PKP4: variants seen among roughly 807,000 people sequenced by gnomAD.
PKP4 encodes the protein plakophilin 4, also known as plakophilin-4.
In PKP4, 90 loss-of-function variants were observed where a neutral mutation model predicts 145.1. That is an observed-to-expected ratio of 0.62 (90% CI 0.52 to 0.74). PKP4 has a LOEUF of 0.74. Among genes scored for constraint, PKP4 ranks in the 30% least tolerant of loss-of-function variants. The pLI, the probability that PKP4 is intolerant of heterozygous loss-of-function variation, is 0.00. For synonymous variants in PKP4, 563 were observed against 577.2 expected (o/e 0.98, Z 0.35); for missense variants, 1,340 against 1,482.7 (o/e 0.90, Z 1.58).
intron 2 of PKP4, among the ~76,000 whole-genome samples, chr2:158,569,902 C>G (rs570040985): frequency 2.3e-3 from 348 of 152,266 alleles, no homozygotes; most frequent in Admixed American, 3.9e-3. Context: ...ACCCGGAACC[C>G]TTCCTTTAAG....
At position 158,534,028 on chromosome 2, in the gene PKP4, GCTT is replaced by G. The variant is rs372820959; in HGVS notation, c.132+718_132+720del. The stretch of plus-strand genomic sequence containing the variant: ...ATGGTTTTTTTGTTTTTTTTTCCCT[GCTT>G]CTTCTCTCCAAAACAACATTATGTG... On this transcript the variant is annotated intron_variant, in intron 2 of 21. Coordinates refer to ENST00000389759, the MANE Select transcript of PKP4 (RefSeq NM_003628.6). Among the ~76,000 whole-genome samples, 225 of 150,940 alleles carry G rather than the reference GCTT, an allele frequency of 1.5e-3. 1 individual carries two copies. The highest frequency in any genetic ancestry group is 5.0e-3 in the African/African-American group (206 of 41,144).
Position 158,608,808 on chromosome 2 carries a change from CTTTTT to C in PKP4, c.280+5723_280+5727del, listed in dbSNP as rs66933766. ...AGTAAAATCTTATTTTCTTTTCTTT[CTTTTT>C]TTTTTTTTTTTTTTTTTTGAGACGG... On this transcript the variant is annotated intron_variant, in intron 4 of 21. Coordinates refer to ENST00000389759, the MANE Select transcript of PKP4 (RefSeq NM_003628.6). Among the ~76,000 whole-genome samples the C allele has an allele frequency of 8.6e-3, 744 of 86,140 alleles. 4 individuals carry two copies. Among genetic ancestry groups the C allele is most frequent in the Middle Eastern group, 0.037 (3 of 82 alleles). The allele number at this position is 86,140 out of a possible 152,430, so 56.5% of individuals were successfully genotyped here. A position where few individuals can be genotyped will look rare whatever the true frequency, so the allele number is the denominator to read the frequency against.
At chr2:158,498,434 T>G (rs1696069048) in intron 1 of PKP4, among the ~76,000 whole-genome samples, 1 of 152,254 alleles carries the variant, frequency 6.6e-6, no homozygotes, top group Non-Finnish European at 1.5e-5. Context: ...TTCAGATTTT[T>G]TGTTGTGAGA....
intron 2 of PKP4, among the ~76,000 whole-genome samples, chr2:158,541,877 A>G (rs2044554296): frequency 6.6e-6 from 1 of 152,172 alleles, no homozygotes; most frequent in Admixed American, 6.6e-5. Flanking sequence ...CTAAGAGCCT[A>G]AACCAAGATT....
chr2:158,458,244 C>G (rs1689172386), intron 1 of PKP4: 1 of 153,018 alleles, frequency 6.5e-6, no homozygotes, highest in Non-Finnish European at 1.5e-5. Context: ...CGCGGCTGCC[C>G]TAGCGCCTTC....
intron 1 of PKP4, among the ~76,000 whole-genome samples, chr2:158,478,980 C>T (rs1040363966): frequency 7.2e-5 from 11 of 152,216 alleles, no homozygotes; most frequent in Admixed American, 3.3e-4. Flanking sequence ...ACATTTTCCC[C>T]AGTATTGGAA....
At position 158,669,934 on chromosome 2, in the gene PKP4, G is replaced by A; in HGVS notation, c.2924+19G>A. On this transcript the variant is annotated intron_variant, in intron 17 of 21. Coordinates refer to ENST00000389759, the MANE Select transcript of PKP4 (RefSeq NM_003628.6). ...GCGACAGGCAAGTCTGCGGCAAGGAGGTGCAAGCAGTGCTCTTATTCCTGA... is the reference window on the plus strand; with the variant it reads ...GCGACAGGCAAGTCTGCGGCAAGGAAGTGCAAGCAGTGCTCTTATTCCTGA... 2.5e-6 allele frequency: 4 copies of A among 1,587,962 alleles called. No homozygotes were observed. The highest frequency in any genetic ancestry group is 3.4e-6 in the Non-Finnish European group (4 of 1,162,796).
intron 1 of PKP4, among the ~76,000 whole-genome samples, chr2:158,461,406 CATT>C (rs1185063117): frequency 1.2e-4 from 18 of 152,072 alleles, no homozygotes; most frequent in Admixed American, 5.2e-4. Flanking sequence ...GTCTTGATAA[CATT>C]ATAGTTTATT....
intron 1 of PKP4, among the ~76,000 whole-genome samples, chr2:158,467,538 T>A (rs1373252833): frequency 6.4e-5 from 6 of 94,002 alleles, no homozygotes; most frequent in East Asian, 6.0e-4. Context: ...GGTGAGAGAG[T>A]GAGACCTTGT....
intron 3 of PKP4, among the ~76,000 whole-genome samples, chr2:158,599,773 G>A (rs2050071503): frequency 6.6e-6 from 1 of 152,174 alleles, no homozygotes; most frequent in Non-Finnish European, 1.5e-5. Flanking sequence ...AAGGAGCAGT[G>A]CCTACTGCCA....
At chr2:158,519,258 T>A (rs991390854) in intron 1 of PKP4, among the ~76,000 whole-genome samples, 1 of 152,172 alleles carries the variant, frequency 6.6e-6, no homozygotes, top group Non-Finnish European at 1.5e-5. Flanking sequence ...TTCTTTTTTA[T>A]CCTGTAGCTT....
At chr2:158,502,414 T>G (rs956530326) in intron 1 of PKP4, among the ~76,000 whole-genome samples, 1 of 152,172 alleles carries the variant, frequency 6.6e-6, no homozygotes, top group Non-Finnish European at 1.5e-5. Flanking sequence ...CATTCCCAAA[T>G]TAGTGCCCTG....
chr2:158,492,169 C>T (rs1002635521), intron 1 of PKP4, among the ~76,000 whole-genome samples: 8 of 151,612 alleles, frequency 5.3e-5, no homozygotes, highest in Non-Finnish European at 7.4e-5. Context: ...CTGGAGTCTA[C>T]GTTGTGTCAC....
chr2:158,641,184 A>G (rs1259018971), intron 10 of PKP4, among the ~76,000 whole-genome samples: 1 of 152,152 alleles, frequency 6.6e-6, no homozygotes, highest in African/African-American at 2.4e-5. Context: ...TAAAAACACA[A>G]AAATTAGCTG....
intron 11 of PKP4, among the ~76,000 whole-genome samples, chr2:158,644,175 A>G (rs933318022): frequency 6.6e-6 from 1 of 152,214 alleles, no homozygotes; most frequent in Non-Finnish European, 1.5e-5. Flanking sequence ...AGCAGGCAGC[A>G]GGGTAGAGGA....
chr2:158,626,658 TACACTGC>T (rs1486762081), intron 7 of PKP4, among the ~76,000 whole-genome samples: 1 of 152,212 alleles, frequency 6.6e-6, no homozygotes, highest in African/African-American at 2.4e-5. Context: ...ATACCTTGTC[TACACTGC>T]ACTAGTGCTG....
intron 20 of PKP4, 50 bp downstream of exon 20, chr2:158,676,917 C>G (rs948368517): frequency 1.2e-6 from 2 of 1,612,200 alleles, no homozygotes; most frequent in Admixed American, 1.7e-5. Flanking sequence ...AGCCGCATTT[C>G]CAGGCGCTTG....
In PKP4 at chr2:158,611,556, T is replaced by A. The variant is rs571762061; in HGVS notation, c.280+8452T>A. ...TTTCCTCCATCTGGTGCAAGTAATT[T>A]ACAACACAAAAATTCATCAGCACAT... On this transcript the variant is annotated intron_variant, in intron 4 of 21. Coordinates refer to ENST00000389759, the MANE Select transcript of PKP4 (RefSeq NM_003628.6). Among the ~76,000 whole-genome samples, 21 of 152,326 alleles carry A rather than the reference T, an allele frequency of 1.4e-4. No homozygotes were observed. In the South Asian group the frequency reaches 4.4e-3, roughly 32 times the overall value.
intron 1 of PKP4, among the ~76,000 whole-genome samples, chr2:158,508,692 A>G (rs1276341328): frequency 6.6e-6 from 1 of 152,194 alleles, no homozygotes; most frequent in Non-Finnish European, 1.5e-5. Context: ...GATACCTCTG[A>G]TGTTCAAAAT....
Sources: gnomAD v4.1 joint callset for allele counts (sites outside exome capture counted in the v4.1 genomes callset) on GRCh38, gnomAD v4.1.1 for gene constraint, MANE v1.5 for transcripts, NCBI Gene and HGNC (gene_info 2026-07-23, HGNC 2026-07-21) for gene names.